The following CECR2 variants were observed in gnomAD, a reference collection of about 807,000 sequenced individuals.
The protein encoded by CECR2 is CECR2 histone acetyl-lysine reader.
CECR2 carries 30 observed loss-of-function variants against 154.5 expected under a neutral mutation model. The ratio of observed to expected loss-of-function variants is 0.19; its 90% CI spans 0.15 to 0.26. The LOEUF is 0.26. CECR2 is among the 10% of genes least tolerant of loss of function. CECR2 has a pLI of 1.00. For missense variants in CECR2, 1,743 were observed against 1,829.3 expected, an observed-to-expected ratio of 0.95 and a Z score of 0.86; for synonymous variants, 725 against 683.7, an observed-to-expected ratio of 1.06 and a Z score of -0.94.
upstream of CECR2, among the ~76,000 whole-genome samples, chr22:17,367,383 TTTTTTAA>T (rs1345677197): frequency 6.6e-6 from 1 of 152,142 alleles, no homozygotes; most frequent in Admixed American, 6.5e-5. Flanking sequence ...AACACTTTTT[TTTTTTAA>T]TTTTTATTTT....
intron 1 of CECR2, among the ~76,000 whole-genome samples, chr22:17,438,076 A>G (rs529891217): frequency 1.3e-5 from 2 of 152,242 alleles, no homozygotes; most frequent in East Asian, 3.8e-4. Flanking sequence ...AGAATTGTAC[A>G]TTATATTTGG....
intron 1 of CECR2, among the ~76,000 whole-genome samples, chr22:17,451,265 G>T (rs1461035334): frequency 6.6e-6 from 1 of 152,204 alleles, no homozygotes; most frequent in Non-Finnish European, 1.5e-5. Flanking sequence ...ATTTTTAAAG[G>T]TGAAAAGGGA....
Position 17,503,069 on chromosome 22 carries a change from T to C in CECR2, c.651-13T>C, listed in dbSNP as rs767553651. 6 of 1,609,728 alleles carry C rather than the reference T, an allele frequency of 3.7e-6. No homozygotes were observed. The highest frequency in any genetic ancestry group is 5.1e-6 in the Non-Finnish European group (6 of 1,177,926). On this transcript the variant is annotated splice_polypyrimidine_tract_variant and intron_variant, in intron 5 of 18. Transcript: ENST00000262608. ...CTTTGTTTTAATTGGCACCTCTTTT[T>C]CCTGTGTTTCAGTGAAAAGCAGGAA...
chr22:17,546,458 C>A (rs1457446229), intron 16 of CECR2, among the ~76,000 whole-genome samples: 1 of 143,066 alleles, frequency 7.0e-6, no homozygotes, highest in African/African-American at 2.8e-5. Context: ...TGCACTCCAA[C>A]CTGGGCGACA....
At chr22:17,521,892 A>T (rs911182329) in intron 8 of CECR2, among the ~76,000 whole-genome samples, 2 of 152,188 alleles carry the variant, frequency 1.3e-5, no homozygotes, top group African/African-American at 2.4e-5. Context: ...TAGGTTTTAC[A>T]TTTAAGTCTT....
intron 9 of CECR2, among the ~76,000 whole-genome samples, chr22:17,534,447 G>A (rs747920286): frequency 2.6e-5 from 4 of 152,088 alleles, no homozygotes; most frequent in African/African-American, 4.8e-5. Flanking sequence ...GAATTTTTAA[G>A]TACAAAAAGC....
At chr22:17,480,810 C>T (rs979325386) in intron 2 of CECR2, among the ~76,000 whole-genome samples, 6 of 151,926 alleles carry the variant, frequency 3.9e-5, no homozygotes, top group Non-Finnish European at 1.5e-5. Context: ...GAGGCCGAGA[C>T]GGGCAGATCA....
At chr22:17,517,340 A>G (rs1270765262) in intron 8 of CECR2, among the ~76,000 whole-genome samples, 2 of 152,128 alleles carry the variant, frequency 1.3e-5, no homozygotes, top group Non-Finnish European at 2.9e-5. Flanking sequence ...CATCCTTTCT[A>G]TACAGCCTGT....
At chr22:17,378,877 A>G (rs1448356930) in intron 1 of CECR2, among the ~76,000 whole-genome samples, 1 of 152,164 alleles carries the variant, frequency 6.6e-6, no homozygotes, top group African/African-American at 2.4e-5. Context: ...AAATTTAAGG[A>G]AGTTAAAGTT....
At chr22:17,536,665 A>G (rs1350486712) in intron 9 of CECR2, among the ~76,000 whole-genome samples, 4 of 152,160 alleles carry the variant, frequency 2.6e-5, no homozygotes, top group Non-Finnish European at 5.9e-5. Flanking sequence ...GTGTGTATGG[A>G]CTGAGAGTCT....
chr22:17,397,534 T>C (rs1451332081), intron 1 of CECR2, among the ~76,000 whole-genome samples: 1 of 151,866 alleles, frequency 6.6e-6, no homozygotes, highest in Non-Finnish European at 1.5e-5. Context: ...GTCTCACTCT[T>C]TTGCCCAGGT....
chr22:17,372,091 C>G (rs913291093), intron 1 of CECR2, among the ~76,000 whole-genome samples: 3 of 151,034 alleles, frequency 2.0e-5, no homozygotes, highest in Admixed American at 6.8e-5. Context: ...GGAAATGACA[C>G]TTTTTTGGGG....
chr22:17,407,260 G>A (rs1286261178), intron 1 of CECR2, among the ~76,000 whole-genome samples: 1 of 152,186 alleles, frequency 6.6e-6, no homozygotes, highest in Admixed American at 6.5e-5. Flanking sequence ...ATCCTAGTGA[G>A]ATATAGAGCA....
At chr22:17,544,358 C>CG (rs2056577247) in intron 16 of CECR2, among the ~76,000 whole-genome samples, 1 of 151,544 alleles carries the variant, frequency 6.6e-6, no homozygotes, top group African/African-American at 2.4e-5. Context: ...ATTAGCCGAG[C>CG]GTGGTGGCAG....
intron 1 of CECR2, among the ~76,000 whole-genome samples, chr22:17,410,484 G>C (rs199948023): frequency 6.6e-6 from 1 of 151,612 alleles, no homozygotes; most frequent in African/African-American, 2.4e-5. Flanking sequence ...GTCTCTCTCT[G>C]TCGCCCAGGC....
chr22:17,375,575 A>G (rs1311378352), intron 1 of CECR2, among the ~76,000 whole-genome samples: 1 of 152,208 alleles, frequency 6.6e-6, no homozygotes, highest in Non-Finnish European at 1.5e-5. Context: ...AGGCTTGCAC[A>G]GGGCCATGGT....
chr22:17,429,814 A>G (rs914932031), intron 1 of CECR2, among the ~76,000 whole-genome samples: 7 of 152,194 alleles, frequency 4.6e-5, no homozygotes, highest in Non-Finnish European at 7.3e-5. Context: ...TGATTGCATG[A>G]GCCTCAAAAG....
chr22:17,467,379 A>G (rs2055050643), intron 1 of CECR2, among the ~76,000 whole-genome samples: 1 of 152,136 alleles, frequency 6.6e-6, no homozygotes, highest in Admixed American at 6.6e-5. Flanking sequence ...AACCCTTAGG[A>G]CAGGACTTGG....
intron 9 of CECR2, among the ~76,000 whole-genome samples, chr22:17,532,332 A>G (rs534947378): frequency 6.6e-6 from 1 of 152,226 alleles, no homozygotes; most frequent in South Asian, 2.1e-4. Flanking sequence ...ACAGGGTTTC[A>G]CTCTCTAAAG....
Sources: allele counts gnomAD v4.1 joint callset (sites outside exome capture counted in the v4.1 genomes callset), GRCh38; gene constraint gnomAD v4.1.1; transcripts MANE v1.5; gene names NCBI Gene and HGNC (gene_info 2026-07-23, HGNC 2026-07-21).